Variants in PPEF2 observed in about 807,000 individuals in gnomAD.
PPEF2 encodes the protein serine/threonine-protein phosphatase with EF-hands 2.
In PPEF2, 84 loss-of-function variants were observed where a neutral mutation model predicts 84.7. The observed-to-expected ratio is 0.99, with a 90% CI of 0.83 to 1.19. The LOEUF (loss-of-function observed/expected upper bound fraction) is 1.19, where lower values mean the gene tolerates loss of function less well. Ranked by LOEUF, PPEF2 falls within the 50% of genes most tolerant of loss-of-function variation. The probability of loss-of-function intolerance (pLI) is 0.00; values close to 1 mark genes in which losing one functional copy is unlikely to be tolerated. For synonymous variants in PPEF2, 346 were observed against 345.2 expected (o/e 1.00, Z -0.03); for missense variants, 924 against 937.5 (o/e 0.99, Z 0.19).
intron 16 of PPEF2, among the ~76,000 whole-genome samples, chr4:75,861,614 G>GTTTTTTTTTTTTTTTTTTTTTT (rs71210216): frequency 2.3e-5 from 2 of 86,144 alleles, no homozygotes; most frequent in African/African-American, 3.3e-5. Flanking sequence ...TTATGCAACA[G>GTTTTTTTTTTTTTTTTTTTTTT]TTTTTTTTTT....
At chr4:75,883,116 A>C in intron 9 of PPEF2, 41 bp from the exon 10 acceptor site, 2 of 1,613,326 alleles carry the variant, frequency 1.2e-6, no homozygotes, top group Non-Finnish European at 1.7e-6. Context: ...CAAATAATTC[A>C]CTCAACTTAT....
chr4:75,880,840 G>A (rs796892343), intron 10 of PPEF2, among the ~76,000 whole-genome samples: 90 of 139,612 alleles, frequency 6.4e-4, no homozygotes, highest in East Asian at 2.1e-4. Flanking sequence ...TCACTCTGTC[G>A]CCAGGCTGGA....
intron 10 of PPEF2, chr4:75,882,006 T>C (rs1248999959): frequency 6.6e-6 from 1 of 152,204 alleles, no homozygotes; most frequent in African/African-American, 2.4e-5. Flanking sequence ...TGAGTCAAGT[T>C]TAAGAGTTAA....
Position 75,890,131 on chromosome 4 carries a change from C to A in PPEF2, c.243G>T (p.Arg81Ser). 6.2e-7 allele frequency: 1 copy of A among 1,613,764 alleles called. No individual in the cohort carries two copies. Among genetic ancestry groups the A allele is most frequent in the Non-Finnish European group, 8.5e-7 (1 of 1,179,900 alleles). Residue 81 changes from arginine to serine, a missense_variant and splice_region_variant, in exon 5 of 17, where the codon AGG (arginine) becomes AGT (serine). Transcript: ENST00000286719. Reference sequence around the variant, plus strand: ...CAGTGAATATGCGGGTCAGGAAGTCCCCTAGTCCAGATAGAAAAGGTGGAT... The same window carrying A: ...CAGTGAATATGCGGGTCAGGAAGTCACCTAGTCCAGATAGAAAAGGTGGAT... ...DHFIPSSHND[R>S]DFLTRIFTED...
At chr4:75,866,673 C>A (rs1724140109) in intron 14 of PPEF2, among the ~76,000 whole-genome samples, 1 of 152,094 alleles carries the variant, frequency 6.6e-6, no homozygotes, top group African/African-American at 2.4e-5. Context: ...TTTACTAAAT[C>A]TGGCAATACT....
rs951845906 is a variant in PPEF2 at position 75,871,973 on chromosome 4, C to T, written c.1649+52G>A. The stretch of plus-strand genomic sequence containing the variant: ...ACGTTTGACACTTCATTCAAAGATT[C>T]TATGAACACTATAATTTTTTTTTCT... On this transcript the variant is annotated intron_variant, in intron 13 of 16. Coordinates refer to ENST00000286719, the MANE Select transcript of PPEF2 (RefSeq NM_006239.3). 46 of 1,507,158 alleles carry T rather than the reference C, an allele frequency of 3.1e-5. 1 individual carries two copies. In the African/African-American group the frequency reaches 5.9e-4, roughly 19 times the overall value. 93.4% of individuals were successfully genotyped at this position (1,507,158 alleles called of 1,614,324 possible). A position where few individuals can be genotyped will look rare whatever the true frequency, so the allele number is the denominator to read the frequency against.
chr4:75,877,204 G>A (rs1724448336), intron 10 of PPEF2, among the ~76,000 whole-genome samples: 1 of 151,806 alleles, frequency 6.6e-6, no homozygotes, highest in Non-Finnish European at 1.5e-5. Context: ...GGACGTGGTG[G>A]TGCATGCCTG....
Position 75,867,331 on chromosome 4 carries a change from G to C in PPEF2, c.1738C>G (p.His580Asp), listed in dbSNP as rs776841683. 23 of 1,613,060 alleles carry C rather than the reference G, an allele frequency of 1.4e-5. No homozygotes were observed. The highest frequency in any genetic ancestry group is 1.9e-5 in the Non-Finnish European group (22 of 1,179,348). Residue 580 changes from histidine to aspartate, a missense_variant, in exon 14 of 17, where the codon CAT becomes GAT. By Grantham distance (81) the His-to-Asp change is moderately conservative. Coordinates refer to ENST00000286719, the MANE Select transcript of PPEF2 (RefSeq NM_006239.3). ...SSDLLSEFKK[H>D]DADKVGLITL... ...TTCTTACCGACTTTATCTGCATCAT[G>C]CTTCTTAAATTCACTGAGAAGATCT...
At chr4:75,892,651 T>C (rs1452026298) in intron 2 of PPEF2, among the ~76,000 whole-genome samples, 1 of 152,210 alleles carries the variant, frequency 6.6e-6, no homozygotes, top group Non-Finnish European at 1.5e-5. Flanking sequence ...CGTCATAAGA[T>C]AGACAGCACT....
intron 13 of PPEF2, among the ~76,000 whole-genome samples, chr4:75,871,438 C>T (rs532772457): frequency 1.4e-4 from 22 of 152,086 alleles, no homozygotes; most frequent in South Asian, 1.2e-3. Flanking sequence ...TTACCCAAGA[C>T]GCAGCCATGG....
intron 13 of PPEF2, among the ~76,000 whole-genome samples, chr4:75,869,417 C>T (rs1724212886): frequency 6.6e-6 from 1 of 152,156 alleles, no homozygotes; most frequent in African/African-American, 2.4e-5. Flanking sequence ...GTAATTAGGT[C>T]GAGGTCACAT....
In PPEF2 at chr4:75,876,573, G is replaced by A; in HGVS notation, c.1034C>T (p.Pro345Leu). The change falls in exon 11 of 17, where the codon CCA becomes CTA. Residue 345 changes from proline (P) to leucine (L), a missense_variant. By Grantham distance (98) the Pro-to-Leu change is moderately conservative (BLOSUM62 -3). Transcript: ENST00000286719. Reference sequence around the variant, plus strand: ...AGAGCGGCTTTCGGGGAGAAACCATGGGATGGGTCCCTGTGCAGAGCTCTT... The same window carrying A: ...AGAGCGGCTTTCGGGGAGAAACCATAGGATGGGTCCCTGTGCAGAGCTCTT... ...NQKSSAQGPI[P>L]WFLPESRSLP... The A allele has an allele frequency of 6.2e-7, 1 of 1,612,942 alleles. No homozygotes were observed. The highest frequency in any genetic ancestry group is 2.2e-5 in the East Asian group (1 of 44,862).
chr4:75,871,824 T>C (rs977449371), intron 13 of PPEF2, among the ~76,000 whole-genome samples: 1 of 152,188 alleles, frequency 6.6e-6, no homozygotes, highest in Non-Finnish European at 1.5e-5. Flanking sequence ...GATGGGTAGA[T>C]AGAGCTATTA....
chr4:75,877,117 C>T (rs1445187261), intron 10 of PPEF2, among the ~76,000 whole-genome samples: 1 of 151,842 alleles, frequency 6.6e-6, no homozygotes, highest in Non-Finnish European at 1.5e-5. Context: ...GGCTGATCAC[C>T]TGCCTGAATT....
At chr4:75,879,281 T>G (rs1460267034) in intron 10 of PPEF2, among the ~76,000 whole-genome samples, 2 of 152,240 alleles carry the variant, frequency 1.3e-5, no homozygotes, top group Non-Finnish European at 2.9e-5. Flanking sequence ...TATTAAGGTC[T>G]AGATTTTGCT....
chr4:75,881,162 C>T (rs1299001144), intron 10 of PPEF2, among the ~76,000 whole-genome samples: 3 of 149,386 alleles, frequency 2.0e-5, no homozygotes, highest in Non-Finnish European at 4.4e-5. Flanking sequence ...TGCAGTGGCA[C>T]GATCTCAGCT....
Position 75,860,874 on chromosome 4 carries a change from G to A in PPEF2, c.2055C>T (p.Ser685=). 6.2e-7 allele frequency: 1 copy of A among 1,614,202 alleles called. No individual in the cohort carries two copies. Among genetic ancestry groups the A allele is most frequent in the East Asian group, 2.2e-5 (1 of 44,888 alleles). The change falls in exon 17 of 17, where the codon AGC becomes AGT. Residue 685 remains serine, a synonymous_variant. Coordinates refer to ENST00000286719, the MANE Select transcript of PPEF2 (RefSeq NM_006239.3). ...CTGTAATGTCGATATTCATGTGAGAGCTGAACAGCTTCCAGGTCTGCCTGA... is the reference window on the plus strand; with the variant it reads ...CTGTAATGTCGATATTCATGTGAGAACTGAACAGCTTCCAGGTCTGCCTGA... ...DEFRQTWKLF[S]SHMNIDITDD...
At chr4:75,861,511 AC>A (rs936882252) in intron 16 of PPEF2, among the ~76,000 whole-genome samples, 1 of 150,012 alleles carries the variant, frequency 6.7e-6, no homozygotes, top group South Asian at 2.2e-4. Context: ...TATAAAAAAA[AC>A]TAACTCTATA....
At chr4:75,901,299 T>A (rs1302112282) in intron 1 of PPEF2, among the ~76,000 whole-genome samples, 2 of 152,186 alleles carry the variant, frequency 1.3e-5, no homozygotes, top group Non-Finnish European at 2.9e-5. Flanking sequence ...TTGGATCCCC[T>A]GAGCTCAGGA....
Sources: allele counts gnomAD v4.1 joint callset (sites outside exome capture counted in the v4.1 genomes callset), GRCh38; gene constraint gnomAD v4.1.1; transcripts MANE v1.5; gene names NCBI Gene and HGNC (gene_info 2026-07-23, HGNC 2026-07-21).